The following ARPC3 variants were observed in gnomAD, a reference collection of about 807,000 sequenced individuals.
The protein encoded by ARPC3 is actin-related protein 2/3 complex subunit 3.
In ARPC3, 12 loss-of-function variants were observed where a neutral mutation model predicts 27.6. The observed-to-expected ratio is 0.43, with a 90% CI of 0.28 to 0.70. The LOEUF is 0.70. Ranked by LOEUF, ARPC3 falls within the 30% of genes least tolerant of loss-of-function variation. The probability of loss-of-function intolerance (pLI) is 0.17; values close to 1 mark genes in which losing one functional copy is unlikely to be tolerated. For synonymous variants in ARPC3, 53 were observed against 67.2 expected, an observed-to-expected ratio of 0.79 and a Z score of 1.03; for missense variants, 153 against 207.7, an observed-to-expected ratio of 0.74 and a Z score of 1.62.
intron 1 of ARPC3, 138 bp downstream of exon 1, chr12:110,450,117 C>G: frequency 7.7e-7 from 1 of 1,291,266 alleles, no homozygotes; most frequent in Non-Finnish European, 1.1e-6. Flanking sequence ...GCAACCGGTC[C>G]CCTCCCCTCG....
chr12:110,436,465 C>T lies in ARPC3; in HGVS notation c.379+92G>A, dbSNP rs372335617. On this transcript the variant is annotated intron_variant, in intron 5 of 6. Transcript: ENST00000228825. Reference sequence around the variant, plus strand: ...CCTATGATTTCACTCTCAATCTGTACATGAATCAAGGCAAGAAAAAGAGGG... The same window carrying T: ...CCTATGATTTCACTCTCAATCTGTATATGAATCAAGGCAAGAAAAAGAGGG... 9 of 1,563,782 alleles carry T rather than the reference C, an allele frequency of 5.8e-6. No homozygotes were observed. The South Asian group carries it at 1.0e-4, about 17-fold the overall frequency.
chr12:110,447,789 C>G (rs973051452), intron 1 of ARPC3, among the ~76,000 whole-genome samples: 11 of 151,486 alleles, frequency 7.3e-5, no homozygotes, highest in African/African-American at 2.7e-4. Context: ...AACAAACAAA[C>G]AAACCCCTCC....
intron 5 of ARPC3, 144 bp from the exon 6 acceptor site, chr12:110,436,348 T>C (rs1410709584): frequency 9.2e-7 from 1 of 1,091,090 alleles, no homozygotes; most frequent in Non-Finnish European, 1.3e-6. Context: ...GATAGTTTTA[T>C]AACTATATTT....
chr12:110,442,149 T>C (rs1309975259), intron 2 of ARPC3, among the ~76,000 whole-genome samples: 1 of 151,778 alleles, frequency 6.6e-6, no homozygotes, highest in African/African-American at 2.4e-5. Context: ...ATTACAGGCA[T>C]AAGCCACAGC....
intron 2 of ARPC3, among the ~76,000 whole-genome samples, chr12:110,444,708 A>C (rs1382301540): frequency 2.0e-5 from 3 of 152,172 alleles, no homozygotes; most frequent in East Asian, 3.9e-4. Flanking sequence ...TGAGCTTTCA[A>C]ATGGTGTTGA....
intron 3 of ARPC3, chr12:110,437,365 G>GT (rs1408442055): frequency 1.9e-6 from 1 of 520,070 alleles, no homozygotes; most frequent in African/African-American, 1.9e-5. Context: ...ACTCTGAGAT[G>GT]TGCAGCTGCT....
intron 1 of ARPC3, among the ~76,000 whole-genome samples, chr12:110,446,449 C>T (rs1439131084): frequency 6.6e-6 from 1 of 151,486 alleles, no homozygotes; most frequent in Admixed American, 6.6e-5. Flanking sequence ...AGGGATAAGC[C>T]ACCACGCCCA....
intron 1 of ARPC3, among the ~76,000 whole-genome samples, chr12:110,447,701 A>T (rs2062472846): frequency 6.6e-6 from 1 of 152,074 alleles, no homozygotes; most frequent in Non-Finnish European, 1.5e-5. Context: ...TGAACCCAGG[A>T]GGCAGAGGTT....
At chr12:110,436,842 G>A in intron 4 of ARPC3, 159 bp from the exon 5 acceptor site, 1 of 701,176 alleles carries the variant, frequency 1.4e-6, no homozygotes. Flanking sequence ...CCTCTGTCAA[G>A]ATTTCTGTCT....
rs770851940 is a variant in ARPC3 at position 110,440,423 on chromosome 12, A to G, written c.107-35T>C. Reference sequence around the variant, plus strand: ...ACACAAGGGAAGGAGCACAGAGAACATTAGCCAAATACAAAACATAACAAC... The same window carrying G: ...ACACAAGGGAAGGAGCACAGAGAACGTTAGCCAAATACAAAACATAACAAC... On this transcript the variant is annotated intron_variant, in intron 2 of 6. Coordinates refer to ENST00000228825, the MANE Select transcript of ARPC3 (RefSeq NM_001278556.2). The G allele has an allele frequency of 1.7e-5, 24 of 1,404,202 alleles. No homozygotes were observed. The South Asian group carries it at 2.7e-4, about 16-fold the overall frequency. 87.0% of individuals were successfully genotyped at this position (1,404,202 alleles called of 1,614,324 possible).
At chr12:110,450,231 C>G (rs200331617) in intron 1 of ARPC3, 24 bp downstream of exon 1, 7 of 1,614,002 alleles carry the variant, frequency 4.3e-6, no homozygotes, top group Non-Finnish European at 5.9e-6. Flanking sequence ...CGCTGTCTCC[C>G]CACACCGTGG....
intron 1 of ARPC3, 185 bp from the exon 2 acceptor site, chr12:110,445,736 T>A (rs2062460963): frequency 6.4e-6 from 4 of 629,374 alleles, no homozygotes. Context: ...AATTGTTAAA[T>A]TTTGAGGCAT....
chr12:110,438,548 G>A (rs1283145971), intron 3 of ARPC3, among the ~76,000 whole-genome samples: 8 of 150,338 alleles, frequency 5.3e-5, no homozygotes, highest in Admixed American at 2.0e-4. Flanking sequence ...GCACTGAGCC[G>A]AGATCACGCC....
chr12:110,449,979 CCCTG>C (rs1447683051), intron 1 of ARPC3, among the ~76,000 whole-genome samples: 1 of 148,528 alleles, frequency 6.7e-6, no homozygotes, highest in Non-Finnish European at 1.5e-5. Context: ...GCTTTGGGAA[CCCTG>C]CCGGAGTCGG....
chr12:110,450,333 T>C lies in ARPC3; in HGVS notation c.-73A>G. ...GCGGAGCGCTTCCGGTCTGGCAGCC[T>C]GGGCGAGGTAGGCGGAAGCGAAACG... On this transcript the variant is annotated 5_prime_UTR_variant, in exon 1 of 7. Coordinates refer to ENST00000228825, the MANE Select transcript of ARPC3 (RefSeq NM_001278556.2). 1.2e-6 allele frequency: 2 copies of C among 1,604,368 alleles called. No homozygotes were observed. The highest frequency in any genetic ancestry group is 1.7e-6 in the Non-Finnish European group (2 of 1,172,620).
chr12:110,450,114 GT>G, intron 1 of ARPC3, 140 bp downstream of exon 1: 1 of 1,269,046 alleles, frequency 7.9e-7, no homozygotes, highest in Non-Finnish European at 1.1e-6. Context: ...TCAGCAACCG[GT>G]CCCCTCCCCT....
intron 2 of ARPC3, among the ~76,000 whole-genome samples, chr12:110,440,780 G>A (rs1265883704): frequency 1.4e-5 from 2 of 143,910 alleles, no homozygotes; most frequent in Non-Finnish European, 1.5e-5. Context: ...TCTCCTGACC[G>A]CGTGATCCGC....
intron 1 of ARPC3, among the ~76,000 whole-genome samples, chr12:110,447,557 AAGGCCAGAAGATCG>A (rs1281499126): frequency 6.6e-6 from 1 of 152,146 alleles, no homozygotes; most frequent in Non-Finnish European, 1.5e-5. Context: ...GACAGATCAC[AAGGCCAGAAGATCG>A]AGACCACCCT....
chr12:110,437,360 G>A, intron 3 of ARPC3: 1 of 531,340 alleles, frequency 1.9e-6, no homozygotes, highest in Non-Finnish European at 3.4e-6. Context: ...GCCCCACTCT[G>A]AGATGTGCAG....
Sources: gnomAD v4.1 joint callset for allele counts (sites outside exome capture counted in the v4.1 genomes callset) on GRCh38, gnomAD v4.1.1 for gene constraint, MANE v1.5 for transcripts, NCBI Gene and HGNC (gene_info 2026-07-23, HGNC 2026-07-21) for gene names.